E4F1: variants seen among roughly 807,000 people sequenced by gnomAD.
E4F1 encodes E4F transcription factor 1, also known as transcription factor E4F1.
In E4F1, 30 loss-of-function variants were observed where a neutral mutation model predicts 72.9. That is an observed-to-expected ratio of 0.41 (90% CI 0.31 to 0.56). The LOEUF is 0.56. E4F1 is among the 20% of genes least tolerant of loss of function. The pLI is 0.25. For synonymous variants in E4F1, 542 were observed against 478.2 expected (o/e 1.13, Z -1.74); for missense variants, 1,091 against 1,117.5 (o/e 0.98, Z 0.34).
intron 12 of E4F1, 33 bp from the exon 13 acceptor site, chr16:2,235,048 G>A: frequency 6.2e-7 from 1 of 1,612,156 alleles, no homozygotes; most frequent in South Asian, 1.1e-5. Flanking sequence ...GGGCAGCCAA[G>A]GCTGACCTCT....
chr16:2,235,725 A>G lies in E4F1; in HGVS notation c.*153A>G. On this transcript the variant is annotated 3_prime_UTR_variant, in exon 14 of 14. Transcript: ENST00000301727. ...TAAGAGTTTCTTGTTGCTTTACAAT[A>G]AAACATGAGAACCTGCAGCTTGTGA... 1.5e-6 allele frequency: 1 copy of G among 669,642 alleles called. No homozygotes were observed. The highest frequency in any genetic ancestry group is 3.2e-5 in the Admixed American group (1 of 31,448). The allele number at this position is 669,642 out of a possible 1,614,324, so 41.5% of individuals were successfully genotyped here. A position where few individuals can be genotyped will look rare whatever the true frequency, so the allele number is the denominator to read the frequency against.
chr16:2,225,161 C>T (rs1046327569), intron 1 of E4F1, among the ~76,000 whole-genome samples: 4 of 152,112 alleles, frequency 2.6e-5, no homozygotes, highest in African/African-American at 7.2e-5. Flanking sequence ...CGCAGTAAGC[C>T]GAGATCGCAC....
At chr16:2,232,419 C>G in intron 4 of E4F1, 37 bp from the exon 5 acceptor site, 1 of 1,604,986 alleles carries the variant, frequency 6.2e-7, no homozygotes, top group Non-Finnish European at 8.5e-7. Context: ...TCCTGTTCCC[C>G]CAGGAGGGCC....
rs554915155 is a variant in E4F1 at position 2,232,441 on chromosome 16, C to T, written c.610-15C>T. On this transcript the variant is annotated splice_polypyrimidine_tract_variant and intron_variant, in intron 4 of 13. Coordinates refer to ENST00000301727, the MANE Select transcript of E4F1 (RefSeq NM_004424.5). ...CCCCCAGGAGGGCCCTGAGCTGCCACGCCCTCCCCCACAGGGCAGCATCCT... is the reference window on the plus strand; with the variant it reads ...CCCCCAGGAGGGCCCTGAGCTGCCATGCCCTCCCCCACAGGGCAGCATCCT... 4.7e-5 allele frequency: 76 copies of T among 1,608,752 alleles called. No homozygotes were observed. The highest frequency in any genetic ancestry group is 5.4e-5 in the Non-Finnish European group (64 of 1,178,070).
intron 1 of E4F1, chr16:2,223,998 C>G (rs775005572): frequency 1.1e-5 from 16 of 1,466,568 alleles, no homozygotes; most frequent in African/African-American, 8.7e-5. Flanking sequence ...TGTGCGTCCA[C>G]AAGTGCTCGC....
Position 2,225,814 on chromosome 16 carries a change from G to T in E4F1, c.157+2044G>T, listed in dbSNP as rs1480659936. On this transcript the variant is annotated intron_variant, in intron 1 of 13. Transcript: ENST00000301727. ...AGGAAAAAAAAAAAAAAAAAAAAAA[G>T]GCTGGGCGCAATGGCTCGCGCCTGT... 9.4e-5 allele frequency among the ~76,000 whole-genome samples: 13 copies of T among 138,636 alleles called. 1 individual carries two copies. In the East Asian group the frequency reaches 2.7e-3, roughly 29 times the overall value. The allele number at this position is 138,636 out of a possible 152,430, so 91.0% of individuals were successfully genotyped here. A position where few individuals can be genotyped will look rare whatever the true frequency, so the allele number is the denominator to read the frequency against.
rs532995496 is a variant in E4F1, at chr16:2,235,239, G to T, written c.2022G>T (p.Val674=). The change falls in exon 14 of 14, where the codon GTG becomes GTT. Residue 674 remains valine (V), a synonymous_variant. Transcript: ENST00000301727. ...AGGTGGACAGCCACATCATGAAGGT[G>T]GTGCAGCAGATCGTGCACCAGGCTA... ...QTEVDSHIMK[V]VQQIVHQASA... 11 of 1,610,190 alleles carry T rather than the reference G, an allele frequency of 6.8e-6. No individual in the cohort carries two copies. The South Asian group carries it at 1.2e-4, about 18-fold the overall frequency.
At chr16:2,228,220 G>A in intron 1 of E4F1, 152 bp from the exon 2 acceptor site, 1 of 1,042,836 alleles carries the variant, frequency 9.6e-7, no homozygotes, top group Non-Finnish European at 1.4e-6. Flanking sequence ...CTTGTTTTGG[G>A]CCCGAGTGTG....
chr16:2,234,733 C>CGT lies in E4F1; in HGVS notation c.1746_1747dup (p.Gly583ValfsTer9). ...GCCGTTCAAGTGCTACAAGTGCGGC[C>CGT]GTGGCTTCGCCGAGCACGGCACGCT... On this transcript the variant is annotated frameshift_variant, in exon 11 of 14. Coordinates refer to ENST00000301727, the MANE Select transcript of E4F1 (RefSeq NM_004424.5). LOFTEE classifies it high-confidence loss of function. The CGT allele has an allele frequency of 6.6e-7, 1 of 1,511,168 alleles. No homozygotes were observed. Among genetic ancestry groups the CGT allele is most frequent in the Non-Finnish European group, 8.9e-7 (1 of 1,122,760 alleles). 93.6% of individuals were successfully genotyped at this position (1,511,168 alleles called of 1,614,324 possible).
intron 3 of E4F1, chr16:2,231,966 C>T (rs117454577): frequency 0.019 from 11,934 of 621,144 alleles, 178 homozygotes; most frequent in Non-Finnish European, 0.025. Flanking sequence ...CTGACAGAGT[C>T]GGGAGGTGTC....
chr16:2,233,393 A>T lies in E4F1; in HGVS notation c.1057-45A>T, dbSNP rs545548940. ...GTCTGCCCCATGGGGTGGGTGCTGG[A>T]TGCCAGGCTGCCTGGCCAGCCTCCT... On this transcript the variant is annotated intron_variant, in intron 7 of 13. Transcript: ENST00000301727. 3.4e-6 allele frequency: 5 copies of T among 1,485,870 alleles called. No individual in the cohort carries two copies. In the Admixed American group the frequency reaches 9.3e-5, roughly 28 times the overall value. 92.0% of individuals were successfully genotyped at this position (1,485,870 alleles called of 1,614,324 possible).
intron 9 of E4F1, 54 bp downstream of exon 9, chr16:2,234,044 G>A (rs372690984): frequency 8.5e-6 from 13 of 1,537,548 alleles, no homozygotes; most frequent in South Asian, 1.2e-5. Flanking sequence ...ATAGGTGGCC[G>A]GGGTGCTTCT....
intron 2 of E4F1, among the ~76,000 whole-genome samples, chr16:2,228,937 T>C (rs1459012096): frequency 3.3e-5 from 5 of 152,218 alleles, no homozygotes; most frequent in African/African-American, 1.2e-4. Context: ...AATGGCCACC[T>C]TTGCTGAGCC....
chr16:2,234,866 C>T lies in E4F1; in HGVS notation c.1800C>T (p.Cys600=). ...LNRHLRTKGG[C]LLEVEELLVS... is the part of the protein sequence containing the mutation. ...CCGAGTCCCCACCCACAGGGGGCTG[C>T]CTGCTGGAGGTGGAGGAGTTGCTGG... The change falls in exon 12 of 14, where the codon TGC becomes TGT. Residue 600 remains cysteine, a synonymous_variant. Transcript: ENST00000301727. 6.5e-7 allele frequency: 1 copy of T among 1,549,878 alleles called. No homozygotes were observed.
At chr16:2,224,210 G>C (rs537862010) in intron 1 of E4F1, among the ~76,000 whole-genome samples, 2 of 152,340 alleles carry the variant, frequency 1.3e-5, no homozygotes, top group East Asian at 1.9e-4. Flanking sequence ...GGGCCTGTCC[G>C]TAGGGAGGCA....
At position 2,233,126 on chromosome 16, in the gene E4F1, C is replaced by A. The variant is rs374953286; in HGVS notation, c.999C>A (p.His333Gln). 70 of 1,612,294 alleles carry A rather than the reference C, an allele frequency of 4.3e-5. No individual in the cohort carries two copies. The highest frequency in any genetic ancestry group is 5.6e-5 in the Non-Finnish European group (66 of 1,179,398). The change falls in exon 7 of 14, where the codon CAC becomes CAA. Residue 333 changes from histidine (H) to glutamine (Q), a missense_variant. Transcript: ENST00000301727. ...CAGATGCCAAGGGCACCGTCATCCA[C>A]GAAGTCCACGTCCAGATGCAGGAGC... ...LVTDAKGTVI[H>Q]EVHVQMQELS...
chr16:2,224,389 C>T (rs1019677207), intron 1 of E4F1, among the ~76,000 whole-genome samples: 14 of 152,236 alleles, frequency 9.2e-5, no homozygotes, highest in African/African-American at 3.1e-4. Flanking sequence ...ATGTAACAAG[C>T]CCTTATCCTG....
intron 1 of E4F1, among the ~76,000 whole-genome samples, chr16:2,227,388 T>C (rs1427425673): frequency 6.6e-6 from 1 of 152,098 alleles, no homozygotes; most frequent in South Asian, 2.1e-4. Context: ...ATTGTTTTTT[T>C]TGAAACGGAG....
intron 1 of E4F1, among the ~76,000 whole-genome samples, chr16:2,224,380 T>C (rs887253896): frequency 5.3e-5 from 8 of 152,250 alleles, no homozygotes; most frequent in African/African-American, 1.7e-4. Context: ...CTGCCAGTAA[T>C]GTAACAAGCC....
Sources: allele counts gnomAD v4.1 joint callset (sites outside exome capture counted in the v4.1 genomes callset), GRCh38; gene constraint gnomAD v4.1.1; transcripts MANE v1.5; gene names NCBI Gene and HGNC (gene_info 2026-07-23, HGNC 2026-07-21).